EXOC4: variants seen among roughly 807,000 people sequenced by gnomAD.
EXOC4 encodes exocyst complex component 4, also known as SEC8-like 1.
EXOC4 carries 71 observed loss-of-function variants against 107.2 expected under a neutral mutation model. The observed-to-expected ratio is 0.66, with a 90% CI of 0.55 to 0.81. The LOEUF is 0.81. Among genes scored for constraint, EXOC4 ranks in the 30% least tolerant of loss-of-function variants. EXOC4 has a pLI of 0.00. For synonymous variants in EXOC4, 456 were observed against 441.2 expected, an observed-to-expected ratio of 1.03 and a Z score of -0.42; for missense variants, 1,108 against 1,189.6, an observed-to-expected ratio of 0.93 and a Z score of 1.01.
At chr7:133,738,331 C>T (rs1281587684) in intron 10 of EXOC4, among the ~76,000 whole-genome samples, 1 of 152,126 alleles carries the variant, frequency 6.6e-6, no homozygotes, top group East Asian at 1.9e-4. Flanking sequence ...ATAATGTCAA[C>T]AGTCACATGA....
intron 4 of EXOC4, among the ~76,000 whole-genome samples, chr7:133,309,134 T>C (rs1402049444): frequency 6.6e-6 from 1 of 152,174 alleles, no homozygotes; most frequent in African/African-American, 2.4e-5. Flanking sequence ...CATCTGAAAC[T>C]CCATGATCAC....
chr7:133,574,433 C>T (rs1359606774), intron 9 of EXOC4, among the ~76,000 whole-genome samples: 1 of 152,142 alleles, frequency 6.6e-6, no homozygotes, highest in Non-Finnish European at 1.5e-5. Context: ...TAGACATTTT[C>T]TCTTGTTCTT....
chr7:133,466,029 C>T (rs1195043936), intron 7 of EXOC4, among the ~76,000 whole-genome samples: 1 of 151,622 alleles, frequency 6.6e-6, no homozygotes, highest in Non-Finnish European at 1.5e-5. Flanking sequence ...CCCAACTACT[C>T]AGGAGGTTGA....
At position 133,895,584 on chromosome 7, in the gene EXOC4, G is replaced by C. The variant is rs1799287830; in HGVS notation, c.1735-15G>C. 1.9e-6 allele frequency: 3 copies of C among 1,612,752 alleles called. No homozygotes were observed. The highest frequency in any genetic ancestry group is 2.5e-6 in the Non-Finnish European group (3 of 1,179,212). On this transcript the variant is annotated splice_polypyrimidine_tract_variant and intron_variant, in intron 11 of 17. Transcript: ENST00000253861. ...TACAGAAATCTCATATCCTCTCTTT[G>C]TTGTTCATTTCCAGAGCACAATCAT...
intron 9 of EXOC4, among the ~76,000 whole-genome samples, chr7:133,543,800 T>A (rs1379873826): frequency 1.3e-5 from 2 of 152,152 alleles, no homozygotes; most frequent in African/African-American, 4.8e-5. Flanking sequence ...TATTATTTGT[T>A]CAAATATGGC....
intron 17 of EXOC4, among the ~76,000 whole-genome samples, chr7:134,040,672 A>G (rs1795493709): frequency 6.6e-6 from 1 of 152,246 alleles, no homozygotes. Flanking sequence ...GGTAGTGATA[A>G]TGGCAAAGTA....
rs111535259 is a variant in EXOC4 at position 133,371,013 on chromosome 7, T to C, written c.1008-3815T>C. Among the ~76,000 whole-genome samples, 319 of 152,302 alleles carry C rather than the reference T, an allele frequency of 2.1e-3. 2 individuals are homozygous for C. Among genetic ancestry groups the C allele is most frequent in the African/African-American group, 7.3e-3 (305 of 41,564 alleles). On this transcript the variant is annotated intron_variant, in intron 6 of 17. Coordinates refer to ENST00000253861, the MANE Select transcript of EXOC4 (RefSeq NM_021807.4). ...GAAAGAATGGAAATCTATTGTTTCT[T>C]ACATGTTACTTAAGAAAGAGAAAGA...
intron 9 of EXOC4, among the ~76,000 whole-genome samples, chr7:133,628,456 A>G (rs1802509394): frequency 1.3e-5 from 2 of 152,196 alleles, no homozygotes; most frequent in Non-Finnish European, 2.9e-5. Flanking sequence ...TAAGCCATGC[A>G]TGCCCAGCCT....
intron 14 of EXOC4, among the ~76,000 whole-genome samples, chr7:133,992,506 C>T (rs913751309): frequency 6.6e-6 from 1 of 151,906 alleles, no homozygotes; most frequent in Non-Finnish European, 1.5e-5. Context: ...TGGTCTCTAA[C>T]GCCTGGTCTC....
chr7:133,298,914 T>C (rs1794581913), intron 3 of EXOC4, among the ~76,000 whole-genome samples: 1 of 152,162 alleles, frequency 6.6e-6, no homozygotes, highest in Non-Finnish European at 1.5e-5. Flanking sequence ...ATATGGGGAA[T>C]TGGTTTAAGT....
intron 9 of EXOC4, among the ~76,000 whole-genome samples, chr7:133,573,835 T>A (rs1801073631): frequency 6.6e-6 from 1 of 152,212 alleles, no homozygotes; most frequent in Non-Finnish European, 1.5e-5. Context: ...GGTCTTTAAC[T>A]GCCAGCCTAC....
In EXOC4 at chr7:133,464,811, GTTTT is replaced by G. The variant is rs3046149; in HGVS notation, c.1183-10495_1183-10492del. 3.7e-3 allele frequency among the ~76,000 whole-genome samples: 190 copies of G among 51,310 alleles called. 7 individuals are homozygous for G. Among genetic ancestry groups the G allele is most frequent in the African/African-American group, 0.015 (184 of 12,050 alleles). The allele number at this position is 51,310 out of a possible 152,430, so 33.7% of individuals were successfully genotyped here. On this transcript the variant is annotated intron_variant, in intron 7 of 17. Coordinates refer to ENST00000253861, the MANE Select transcript of EXOC4 (RefSeq NM_021807.4). ...TTTTTTTTTTTTGTTGGTTGGGTTG[GTTTT>G]TTTTTTTTTTTTTTTTTTTTTGGAG...
intron 13 of EXOC4, among the ~76,000 whole-genome samples, chr7:133,934,596 C>G (rs1432723351): frequency 6.6e-6 from 1 of 152,150 alleles, no homozygotes; most frequent in Admixed American, 6.5e-5. Flanking sequence ...TACATAAATA[C>G]ATTTGTCTTA....
At chr7:133,303,835 G>C (rs1476453908) in intron 3 of EXOC4, among the ~76,000 whole-genome samples, 1 of 152,142 alleles carries the variant, frequency 6.6e-6, no homozygotes, top group African/African-American at 2.4e-5. Context: ...TACTGAAATT[G>C]CTTCACTAAA....
chr7:133,420,688 A>G (rs1442567596), intron 7 of EXOC4, among the ~76,000 whole-genome samples: 1 of 152,086 alleles, frequency 6.6e-6, no homozygotes, highest in African/African-American at 2.4e-5. Flanking sequence ...TCTACATTTC[A>G]GTGACATTCC....
intron 5 of EXOC4, among the ~76,000 whole-genome samples, chr7:133,353,818 A>G (rs1427392134): frequency 6.6e-6 from 1 of 150,958 alleles, no homozygotes; most frequent in African/African-American, 2.4e-5. Flanking sequence ...ATCTTTTTTC[A>G]TTCTGTTCTT....
At chr7:133,810,363 G>A (rs1441762573) in intron 10 of EXOC4, among the ~76,000 whole-genome samples, 2 of 152,098 alleles carry the variant, frequency 1.3e-5, no homozygotes, top group East Asian at 3.9e-4. Flanking sequence ...AATTTCCCTT[G>A]ATAGCAATCA....
chr7:133,914,439 T>C (rs1799761247), intron 12 of EXOC4, among the ~76,000 whole-genome samples: 1 of 152,044 alleles, frequency 6.6e-6, no homozygotes, highest in Non-Finnish European at 1.5e-5. Flanking sequence ...CAAAGAACTG[T>C]TTCATTCATA....
At chr7:133,721,163 T>C (rs778345422) in intron 10 of EXOC4, among the ~76,000 whole-genome samples, 14 of 152,178 alleles carry the variant, frequency 9.2e-5, no homozygotes, top group Non-Finnish European at 1.9e-4. Flanking sequence ...TGGAGCTTAA[T>C]TTTCATTTTT....
Sources: allele counts gnomAD v4.1 joint callset (sites outside exome capture counted in the v4.1 genomes callset), GRCh38; gene constraint gnomAD v4.1.1; transcripts MANE v1.5; gene names NCBI Gene and HGNC (gene_info 2026-07-23, HGNC 2026-07-21).